The following CRISP2 variants were observed in gnomAD, a reference collection of about 807,000 sequenced individuals.
The protein encoded by CRISP2 is cysteine-rich secretory protein 2.
CRISP2 carries 29 observed loss-of-function variants against 31.7 expected under a neutral mutation model. The observed-to-expected ratio is 0.92, with a 90% CI of 0.68 to 1.25. The LOEUF is 1.25. Ranked by LOEUF, CRISP2 falls within the 50% of genes most tolerant of loss-of-function variation. The pLI is 0.00. For synonymous variants in CRISP2, 111 were observed against 101.4 expected (o/e 1.09, Z -0.57); for missense variants, 318 against 286.5 (o/e 1.11, Z -0.79).
At chr6:49,681,045 A>C in the CRISP2 span, among the ~76,000 whole-genome samples, 6 of 152,112 alleles carry the variant, frequency 3.9e-5, no homozygotes, top group Non-Finnish European at 1.5e-5. Context: ...TGCTTTTGGC[A>C]TCTTCATTAT....
chr6:49,700,862 G>T, intron 4 of CRISP2, 78 bp from the exon 5 acceptor site: 1 of 905,622 alleles, frequency 1.1e-6, no homozygotes, highest in South Asian at 1.5e-5. Flanking sequence ...TAATTCAAGA[G>T]AACAAAGGTC....
intron 8 of CRISP2, among the ~76,000 whole-genome samples, chr6:49,696,370 G>A (rs894151430): frequency 6.6e-6 from 1 of 151,860 alleles, no homozygotes; most frequent in Non-Finnish European, 1.5e-5. Context: ...TTGAAAAATG[G>A]AAAAAACTCC....
At chr6:49,686,525 A>C in the CRISP2 span, among the ~76,000 whole-genome samples, 4 of 152,196 alleles carry the variant, frequency 2.6e-5, no homozygotes, top group African/African-American at 9.6e-5. Flanking sequence ...ACAAGTTAGA[A>C]AGGCGATCAT....
In CRISP2 at chr6:49,704,080, T is replaced by C. The variant is rs113690240; in HGVS notation, c.67-3296A>G. Among the ~76,000 whole-genome samples, 959 of 152,240 alleles carry C rather than the reference T, an allele frequency of 6.3e-3. 7 individuals carry two copies. The highest frequency in any genetic ancestry group is 0.021 in the African/African-American group (872 of 41,570). ...TATCATTTTTTTGTCTTTGTTAGAA[T>C]GGGTTAATTCAAAAGCCATATCTTC... On this transcript the variant is annotated intron_variant, in intron 4 of 9. Transcript: ENST00000339139.
At position 49,709,171 on chromosome 6, in the gene CRISP2, A is replaced by C. The variant is rs958720919; in HGVS notation, c.26T>G (p.Leu9Arg). Reference sequence around the variant, plus strand: ...TAAAGATGGAAGCAGCACAGTAACCAGAAACAACACCGGTAGTAAAGCCAT... The same window carrying C: ...TAAAGATGGAAGCAGCACAGTAACCCGAAACAACACCGGTAGTAAAGCCAT... MALLPVLF[L>R]VTVLLPSLPA... is the part of the protein sequence containing the mutation. Residue 9 changes from leucine (L) to arginine (R), a missense_variant, in exon 4 of 10, where the codon CTG becomes CGG. Physicochemically the swap from Leu to Arg is moderately radical, Grantham distance 102 (BLOSUM62 -2). Transcript: ENST00000339139. The C allele has an allele frequency of 6.2e-7, 1 of 1,613,840 alleles. No homozygotes were observed. Among genetic ancestry groups the C allele is most frequent in the Non-Finnish European group, 8.5e-7 (1 of 1,179,922 alleles).
At chr6:49,704,537 A>T (rs543982237) in intron 4 of CRISP2, among the ~76,000 whole-genome samples, 1 of 152,108 alleles carries the variant, frequency 6.6e-6, no homozygotes, top group South Asian at 2.1e-4. Flanking sequence ...TTTTGCCTTG[A>T]ACCCTTGATG....
At position 49,692,598 on chromosome 6, in the gene CRISP2, T is replaced by C. The variant is rs374178574; in HGVS notation, c.*175A>G. The stretch of plus-strand genomic sequence containing the variant: ...AGTTCACAGTTGTCATCATCTACTA[T>C]GCTACTTTTGTAAATCATTGCCTGA... On this transcript the variant is annotated 3_prime_UTR_variant, in exon 10 of 10. Transcript: ENST00000339139. 94 of 566,362 alleles carry C rather than the reference T, an allele frequency of 1.7e-4. No homozygotes were observed. Among genetic ancestry groups the C allele is most frequent in the South Asian group, 1.4e-3 (50 of 35,240 alleles). 35.1% of individuals were successfully genotyped at this position (566,362 alleles called of 1,614,324 possible). A position where few individuals can be genotyped will look rare whatever the true frequency, so the allele number is the denominator to read the frequency against.
rs1389308833 is a variant in CRISP2 at position 49,700,760 on chromosome 6, T to C, written c.91A>G (p.Thr31Ala). The change falls in exon 5 of 10, where the codon ACC (threonine) becomes GCC (alanine). Residue 31 changes from threonine to alanine, a missense_variant. Coordinates refer to ENST00000339139, the MANE Select transcript of CRISP2 (RefSeq NM_003296.4). ...GKDPAFTALL[T>A]TQLQVQREIV... ...TCCCTTTGCACTTGCAACTGGGTGG[T>C]TAACAAAGCAGTAAAAGCGGGATCC... The C allele has an allele frequency of 1.2e-6, 2 of 1,611,232 alleles. No individual in the cohort carries two copies. Among genetic ancestry groups the C allele is most frequent in the Non-Finnish European group, 1.7e-6 (2 of 1,178,172 alleles).
At chr6:49,699,315 A>G (rs1397877247) in intron 6 of CRISP2, among the ~76,000 whole-genome samples, 1 of 151,988 alleles carries the variant, frequency 6.6e-6, no homozygotes, top group Non-Finnish European at 1.5e-5. Context: ...ATCCACTTTT[A>G]TCCACTTTAG....
At chr6:49,682,848 CTTCTT>C in the CRISP2 span, among the ~76,000 whole-genome samples, 1 of 149,958 alleles carries the variant, frequency 6.7e-6, no homozygotes, top group East Asian at 2.0e-4. Flanking sequence ...CCCTTCCTCC[CTTCTT>C]TTCTTCCTGT....
At chr6:49,683,201 G>A in the CRISP2 span, among the ~76,000 whole-genome samples, 74 of 97,414 alleles carry the variant, frequency 7.6e-4, 1 homozygote, top group East Asian at 3.9e-3. Context: ...TAAATAAATA[G>A]AGACATGCAG....
intron 2 of CRISP2, among the ~76,000 whole-genome samples, 189 bp from the exon 3 acceptor site, chr6:49,711,510 A>G (rs1768007059): frequency 6.6e-6 from 1 of 152,180 alleles, no homozygotes; most frequent in Non-Finnish European, 1.5e-5. Context: ...TGCTTCCCAC[A>G]TAGTTTTTAA....
chr6:49,709,511 A>G (rs1015269234), intron 3 of CRISP2, among the ~76,000 whole-genome samples: 5 of 152,224 alleles, frequency 3.3e-5, no homozygotes, highest in African/African-American at 1.2e-4. Flanking sequence ...CGCCATCAAA[A>G]AGAAAATAGA....
At chr6:49,711,101 C>T (rs1316062123) in intron 3 of CRISP2, among the ~76,000 whole-genome samples, 184 bp downstream of exon 3, 1 of 152,092 alleles carries the variant, frequency 6.6e-6, no homozygotes, top group African/African-American at 2.4e-5. Flanking sequence ...ACTATGATCA[C>T]AGCACTGCAT....
chr6:49,698,610 A>T, intron 6 of CRISP2, 103 bp from the exon 7 acceptor site: 1 of 1,186,684 alleles, frequency 8.4e-7, no homozygotes, highest in South Asian at 1.5e-5. Context: ...AGGGTCCAGC[A>T]GATGCTAACT....
chr6:49,712,157 T>C (rs894570201), intron 2 of CRISP2, among the ~76,000 whole-genome samples: 3 of 152,326 alleles, frequency 2.0e-5, no homozygotes, highest in Middle Eastern at 3.4e-3. Flanking sequence ...GAAAATGCTC[T>C]AACATCTGGG....
chr6:49,687,494 A>C (rs564255926), downstream of CRISP2, among the ~76,000 whole-genome samples: 152 of 152,258 alleles, frequency 1.0e-3, 2 homozygotes, highest in African/African-American at 3.5e-3. Context: ...TAAATTTTCT[A>C]TGCAGAAACT....
chr6:49,685,454 C>T, the CRISP2 span, among the ~76,000 whole-genome samples: 3 of 152,310 alleles, frequency 2.0e-5, no homozygotes, highest in East Asian at 5.8e-4. Context: ...ATGTTAAAAA[C>T]CATAAATTCA....
At position 49,709,143 on chromosome 6, in the gene CRISP2, A is replaced by G. The variant is rs749895432; in HGVS notation, c.54T>C (p.Pro18=). 1 of 1,613,750 alleles carries G rather than the reference A, an allele frequency of 6.2e-7. No individual in the cohort carries two copies. Among genetic ancestry groups the G allele is most frequent in the South Asian group, 1.1e-5 (1 of 91,068 alleles). ...FLVTVLLPSL[P]AEGKDPAFTA... ...ATTTTAACCTTACCTTTCCTTCTGCAGGTAAAGATGGAAGCAGCACAGTAA... is the reference window on the plus strand; with the variant it reads ...ATTTTAACCTTACCTTTCCTTCTGCGGGTAAAGATGGAAGCAGCACAGTAA... Residue 18 remains proline, a synonymous_variant, in exon 4 of 10, where the codon CCT becomes CCC. Transcript: ENST00000339139.
Sources: gnomAD v4.1 joint callset for allele counts (sites outside exome capture counted in the v4.1 genomes callset) on GRCh38, gnomAD v4.1.1 for gene constraint, MANE v1.5 for transcripts, NCBI Gene and HGNC (gene_info 2026-07-23, HGNC 2026-07-21) for gene names.